The following FANCL variants were observed in gnomAD, a reference collection of about 807,000 sequenced individuals.
FANCL encodes FA complementation group L.
FANCL carries 69 observed loss-of-function variants against 59.4 expected under a neutral mutation model. The ratio of observed to expected loss-of-function variants is 1.16; its 90% CI spans 0.96 to 1.42. The LOEUF (loss-of-function observed/expected upper bound fraction) is 1.42. FANCL is among the 40% of genes most tolerant of loss of function. FANCL has a pLI of 0.00. For synonymous variants in FANCL, 180 were observed against 147.1 expected (o/e 1.22, Z -1.62); for missense variants, 519 against 447.2 (o/e 1.16, Z -1.45).
chr2:58,174,665 A>G (rs1204058910), intron 7 of FANCL, among the ~76,000 whole-genome samples: 2 of 152,212 alleles, frequency 1.3e-5, no homozygotes, highest in African/African-American at 2.4e-5. Flanking sequence ...TTATAGCACT[A>G]AATGCCCACA....
chr2:58,180,613 G>A (rs148559377), intron 7 of FANCL, among the ~76,000 whole-genome samples: 13 of 152,108 alleles, frequency 8.5e-5, no homozygotes, highest in East Asian at 3.9e-4. Flanking sequence ...TGTAGATGTC[G>A]GGTTGATGGG....
intron 1 of FANCL, among the ~76,000 whole-genome samples, chr2:58,240,102 G>T (rs1573854212): frequency 7.5e-6 from 1 of 133,586 alleles, no homozygotes. Context: ...GGTATAACAT[G>T]CTTCCTGTAA....
At chr2:58,176,607 T>C (rs1282034301) in intron 7 of FANCL, among the ~76,000 whole-genome samples, 1 of 152,186 alleles carries the variant, frequency 6.6e-6, no homozygotes, top group Non-Finnish European at 1.5e-5. Flanking sequence ...ATCCCTTCCT[T>C]ACACCTTATA....
rs145047020 is a variant in FANCL, at chr2:58,202,914, G to A, written c.471+1216C>T. ...TTAGTTTTGGTCTTCATAGAAAAAC[G>A]GCTAATTTTACTAAGGTACAAAATA... On this transcript the variant is annotated intron_variant, in intron 6 of 13. Coordinates refer to ENST00000233741, the MANE Select transcript of FANCL (RefSeq NM_018062.4). Among the ~76,000 whole-genome samples the A allele has an allele frequency of 1.9e-4, 28 of 151,210 alleles. No homozygotes were observed. The East Asian group carries it at 3.5e-3, about 19-fold the overall frequency.
chr2:58,181,509 C>T (rs1177750913), intron 7 of FANCL, among the ~76,000 whole-genome samples: 1 of 151,872 alleles, frequency 6.6e-6, no homozygotes, highest in Non-Finnish European at 1.5e-5. Context: ...TTACTGTTTC[C>T]AAATTTTACA....
chr2:58,209,051 C>T (rs1454920442), intron 5 of FANCL, among the ~76,000 whole-genome samples: 1 of 152,168 alleles, frequency 6.6e-6, no homozygotes. Context: ...TATATTCCTT[C>T]AAAGCTTATC....
chr2:58,208,090 C>T (rs1043591924), intron 5 of FANCL, among the ~76,000 whole-genome samples: 2 of 151,962 alleles, frequency 1.3e-5, no homozygotes, highest in Non-Finnish European at 2.9e-5. Flanking sequence ...TTAAGTTGGA[C>T]GTCTCACTTT....
chr2:58,233,050 T>C (rs1308274044), intron 1 of FANCL, among the ~76,000 whole-genome samples: 1 of 152,084 alleles, frequency 6.6e-6, no homozygotes, highest in Non-Finnish European at 1.5e-5. Context: ...CTGACTTTCA[T>C]TACATTTAAA....
At chr2:58,179,390 T>C (rs896535478) in intron 7 of FANCL, among the ~76,000 whole-genome samples, 1 of 152,052 alleles carries the variant, frequency 6.6e-6, no homozygotes, top group Admixed American at 6.6e-5. Context: ...AACAGAGATA[T>C]AGACCAATGG....
intron 8 of FANCL, among the ~76,000 whole-genome samples, chr2:58,164,284 C>G (rs534340612): frequency 6.6e-6 from 1 of 151,938 alleles, no homozygotes; most frequent in Admixed American, 6.5e-5. Flanking sequence ...AAATTCCATA[C>G]ACTGTAGAAT....
chr2:58,175,371 T>C (rs1687183615), intron 7 of FANCL, among the ~76,000 whole-genome samples: 2 of 150,168 alleles, frequency 1.3e-5, no homozygotes, highest in South Asian at 2.1e-4. Context: ...TGAACATTGA[T>C]GCAAAAATCC....
At chr2:58,206,269 T>A (rs1176945318) in intron 5 of FANCL, among the ~76,000 whole-genome samples, 1 of 152,150 alleles carries the variant, frequency 6.6e-6, no homozygotes, top group African/African-American at 2.4e-5. Flanking sequence ...GCTAAATTCT[T>A]TTTCATTAAT....
intron 6 of FANCL, among the ~76,000 whole-genome samples, chr2:58,201,977 T>C (rs907844535): frequency 1.1e-4 from 16 of 151,832 alleles, no homozygotes; most frequent in Admixed American, 2.0e-4. Context: ...ATAAAAAAAA[T>C]TCAGCATTCC....
chr2:58,160,725 T>C (rs1158410901), intron 12 of FANCL, among the ~76,000 whole-genome samples: 2 of 152,048 alleles, frequency 1.3e-5, no homozygotes, highest in African/African-American at 4.8e-5. Context: ...CCTTAGAGTA[T>C]TTCTGTAATT....
In FANCL at chr2:58,226,727, C is replaced by T. The variant is rs144729980; in HGVS notation, c.273+1G>A. On this transcript the variant is annotated splice_donor_variant, in intron 4 of 13. Coordinates refer to ENST00000233741, the MANE Select transcript of FANCL (RefSeq NM_018062.4). LOFTEE classifies it high-confidence loss of function. The stretch of plus-strand genomic sequence containing the variant: ...GTGTCAGAAAAAAAAAAAATTCTTA[C>T]CAAAAGCATCTTCAACTCCATCATA... 15 of 1,611,174 alleles carry T rather than the reference C, an allele frequency of 9.3e-6. No individual in the cohort carries two copies. Among genetic ancestry groups the T allele is most frequent in the Non-Finnish European group, 1.3e-5 (15 of 1,178,340 alleles).
At chr2:58,167,205 C>A (rs756372082) in intron 7 of FANCL, among the ~76,000 whole-genome samples, 1 of 152,014 alleles carries the variant, frequency 6.6e-6, no homozygotes, top group Non-Finnish European at 1.5e-5. Flanking sequence ...AGCTAGACTC[C>A]GTCTCAAAAA....
chr2:58,236,654 T>C (rs1414469983), intron 1 of FANCL, among the ~76,000 whole-genome samples: 2 of 151,880 alleles, frequency 1.3e-5, no homozygotes, highest in Non-Finnish European at 2.9e-5. Context: ...TAAATGTAAA[T>C]AGTCGAAGCA....
At chr2:58,174,907 A>G (rs1406131468) in intron 7 of FANCL, among the ~76,000 whole-genome samples, 1 of 152,238 alleles carries the variant, frequency 6.6e-6, no homozygotes, top group Non-Finnish European at 1.5e-5. Flanking sequence ...CTAATAAAGA[A>G]GAGAGAAGAA....
chr2:58,207,306 A>C lies in FANCL; in HGVS notation c.375-3080T>G, dbSNP rs139602958. Among the ~76,000 whole-genome samples, 132 of 152,322 alleles carry C rather than the reference A, an allele frequency of 8.7e-4. 1 individual carries two copies. Among genetic ancestry groups the C allele is most frequent in the African/African-American group, 3.1e-3 (128 of 41,580 alleles). Reference sequence around the variant, plus strand: ...CACAACACTCTGTGATGATGAAGGTATGACATATCTGCACTGTTTAAAACG... The same window carrying C: ...CACAACACTCTGTGATGATGAAGGTCTGACATATCTGCACTGTTTAAAACG... On this transcript the variant is annotated intron_variant, in intron 5 of 13. Coordinates refer to ENST00000233741, the MANE Select transcript of FANCL (RefSeq NM_018062.4).
Sources: allele counts gnomAD v4.1 joint callset (sites outside exome capture counted in the v4.1 genomes callset), GRCh38; gene constraint gnomAD v4.1.1; transcripts MANE v1.5; gene names NCBI Gene and HGNC (gene_info 2026-07-23, HGNC 2026-07-21).